The following IFT46 variants were observed in gnomAD, a reference collection of about 807,000 sequenced individuals.
IFT46 encodes intraflagellar transport protein 46 homolog.
Under a neutral mutation model 39.6 loss-of-function variants are expected in IFT46, and 19 were observed. The observed-to-expected ratio is 0.48, with a 90% CI of 0.33 to 0.70. The LOEUF (loss-of-function observed/expected upper bound fraction) is 0.70, where lower values mean the gene tolerates loss of function less well. Ranked by LOEUF, IFT46 falls within the 30% of genes least tolerant of loss-of-function variation. The pLI is 0.01. For synonymous variants in IFT46, 117 were observed against 134.8 expected (o/e 0.87, Z 0.91); for missense variants, 334 against 364.8 (o/e 0.92, Z 0.69).
upstream of IFT46, among the ~76,000 whole-genome samples, chr11:118,575,786 G>T (rs530076993): frequency 6.6e-6 from 1 of 152,264 alleles, no homozygotes; most frequent in African/African-American, 2.4e-5. Flanking sequence ...AGAGAGAGTT[G>T]TGCATATTTA....
chr11:118,570,510 A>C (rs1451997596), upstream of IFT46, among the ~76,000 whole-genome samples: 1 of 152,222 alleles, frequency 6.6e-6, no homozygotes, highest in Non-Finnish European at 1.5e-5. Flanking sequence ...CAAATGAAGC[A>C]CTCAATTAAA....
At chr11:118,550,943 C>A (rs962318351) in intron 9 of IFT46, among the ~76,000 whole-genome samples, 1 of 150,338 alleles carries the variant, frequency 6.7e-6, no homozygotes, top group Non-Finnish European at 1.5e-5. Context: ...AGGAGAATTG[C>A]TTGAACCTGC....
chr11:118,557,613 T>C (rs1937883994), intron 3 of IFT46: 1 of 1,159,510 alleles, frequency 8.6e-7, no homozygotes, highest in Admixed American at 1.9e-5. Flanking sequence ...TGTTCAGTGA[T>C]ATTTCTCTTC....
upstream of IFT46, among the ~76,000 whole-genome samples, chr11:118,575,038 G>T (rs1246615880): frequency 6.6e-6 from 1 of 152,154 alleles, no homozygotes; most frequent in Non-Finnish European, 1.5e-5. Flanking sequence ...GAGTGCAGTG[G>T]CACAATCTCA....
At chr11:118,554,001 T>C (rs1012394733) in intron 7 of IFT46, among the ~76,000 whole-genome samples, 2 of 151,674 alleles carry the variant, frequency 1.3e-5, no homozygotes, top group African/African-American at 2.4e-5. Flanking sequence ...AAGTTATATA[T>C]AAATAAAGCT....
At chr11:118,556,618 A>T (rs1460366195) in intron 4 of IFT46, among the ~76,000 whole-genome samples, 2 of 152,146 alleles carry the variant, frequency 1.3e-5, no homozygotes, top group Non-Finnish European at 2.9e-5. Flanking sequence ...GGCTTGAGCC[A>T]CCATGCCTGG....
intron 9 of IFT46, among the ~76,000 whole-genome samples, chr11:118,551,043 A>G (rs868955465): frequency 6.6e-6 from 1 of 150,818 alleles, no homozygotes; most frequent in East Asian, 2.0e-4. Context: ...AAAAAAAAAA[A>G]AAACTATCTT....
intron 10 of IFT46, 72 bp from the exon 11 acceptor site, chr11:118,545,566 C>T (rs2135462214): frequency 7.6e-7 from 1 of 1,319,988 alleles, no homozygotes; most frequent in Non-Finnish European, 1.1e-6. Flanking sequence ...CTGTCTAGCA[C>T]AGGCAAAGCC....
chr11:118,546,761 G>A (rs549059341), intron 9 of IFT46: 1 of 152,758 alleles, frequency 6.5e-6, no homozygotes, highest in Middle Eastern at 3.2e-3. Flanking sequence ...CTGATACCAA[G>A]TTATGGGCAA....
intron 2 of IFT46, among the ~76,000 whole-genome samples, chr11:118,562,804 G>A (rs1180606337): frequency 1.3e-5 from 2 of 152,176 alleles, no homozygotes; most frequent in Non-Finnish European, 2.9e-5. Context: ...GGTGGCTCAC[G>A]CCTGTAATCC....
Position 118,552,308 on chromosome 11 carries a change from C to A in IFT46, c.511G>T (p.Asp171Tyr). 2 of 1,614,200 alleles carry A rather than the reference C, an allele frequency of 1.2e-6. No homozygotes were observed. The highest frequency in any genetic ancestry group is 1.7e-6 in the Non-Finnish European group (2 of 1,180,024). ...ATGGCTTTGGGATTCTTTTCTGCAT[C>A]TTCTAGGCTTTTTACTTTCATATGT... ...TQHMKVKSLE[D>Y]AEKNPKAIDT... The change falls in exon 8 of 12, where the codon GAT (aspartate) becomes TAT (tyrosine). Residue 171 changes from aspartate (D) to tyrosine (Y), a missense_variant. Transcript: ENST00000264021.
In IFT46 at chr11:118,554,566, G is replaced by A; in HGVS notation, c.376C>T (p.Pro126Ser). Reference sequence around the variant, plus strand: ...AATACCAATAGGCCAAGGTTGTCAGGCTTTCCATCAGGACGTGGGACCTGG... The same window carrying A: ...AATACCAATAGGCCAAGGTTGTCAGACTTTCCATCAGGACGTGGGACCTGG... ...FLKVPRPDGKPDNLGLLVLDE... is the reference protein window; with the variant it reads ...FLKVPRPDGKSDNLGLLVLDE... Residue 126 changes from proline to serine, a missense_variant, in exon 7 of 12, where the codon CCT becomes TCT. Coordinates refer to ENST00000264021, the MANE Select transcript of IFT46 (RefSeq NM_001168618.2). 1.2e-6 allele frequency: 2 copies of A among 1,609,242 alleles called. No homozygotes were observed. Among genetic ancestry groups the A allele is most frequent in the Non-Finnish European group, 1.7e-6 (2 of 1,178,724 alleles).
upstream of IFT46, among the ~76,000 whole-genome samples, chr11:118,568,483 C>T (rs577052165): frequency 2.0e-5 from 3 of 152,020 alleles, no homozygotes; most frequent in East Asian, 1.9e-4. Context: ...ACCCGGGAGG[C>T]GGAGGTTGCA....
intron 4 of IFT46, among the ~76,000 whole-genome samples, chr11:118,555,971 G>GA (rs1360747506): frequency 1.3e-4 from 19 of 148,738 alleles, no homozygotes; most frequent in African/African-American, 2.2e-4. Flanking sequence ...GTTTGCACCA[G>GA]AAAAAAAAAA....
intron 4 of IFT46, among the ~76,000 whole-genome samples, chr11:118,555,857 A>T (rs1555069378): frequency 6.6e-6 from 1 of 151,672 alleles, no homozygotes; most frequent in African/African-American, 2.4e-5. Flanking sequence ...TGGAAGGCAG[A>T]GGTTGCAGTG....
rs1555072652 is a variant in IFT46, at chr11:118,572,597, GTC to G, written c.-136_-135del. On this transcript the variant is annotated splice_region_variant and 5_prime_UTR_variant, in exon 1 of 6. Coordinates refer to the IFT46 transcript ENST00000528378. ...GAACTCCTGGGGTCCGAGCCTCACCGTCTCTCCTTGTCGGCGGGCCTGGGGCA... is the reference window on the plus strand; with the variant it reads ...GAACTCCTGGGGTCCGAGCCTCACCGTCTCCTTGTCGGCGGGCCTGGGGCA... 3 of 1,591,696 alleles carry G rather than the reference GTC, an allele frequency of 1.9e-6. No homozygotes were observed. The East Asian group carries it at 7.0e-5, about 37-fold the overall frequency.
chr11:118,572,402 G>A (rs941870794), intron 1 of IFT46: 1 of 622,424 alleles, frequency 1.6e-6, no homozygotes. Flanking sequence ...CGTGGCTTGG[G>A]GCCGCCATCT....
chr11:118,567,144 C>T (rs565276376), upstream of IFT46, among the ~76,000 whole-genome samples: 47 of 152,184 alleles, frequency 3.1e-4, 1 homozygote, highest in East Asian at 2.9e-3. Flanking sequence ...GTGCTAGCCA[C>T]TCGGGAGGCT....
rs782820961 is a variant in IFT46, at chr11:118,545,807, A to G, written c.719T>C (p.Ile240Thr). ...AEIDCSLAEYIDMICAILDIP... is the reference protein window; with the variant it reads ...AEIDCSLAEYTDMICAILDIP... ...GAGGAACTCACCACAGATCATGTCA[A>G]TGTACTCTGCCAGGCTGCAATCAAT... Residue 240 changes from isoleucine to threonine, a missense_variant, in exon 10 of 12, where the codon ATT becomes ACT. Ile to Thr is a moderately conservative substitution (Grantham distance 89). Coordinates refer to ENST00000264021, the MANE Select transcript of IFT46 (RefSeq NM_001168618.2). 8.1e-6 allele frequency: 13 copies of G among 1,614,070 alleles called. No individual in the cohort carries two copies. In the Middle Eastern group the frequency reaches 1.2e-3, roughly 143 times the overall value.
Sources: gnomAD v4.1 joint callset for allele counts (sites outside exome capture counted in the v4.1 genomes callset) on GRCh38, gnomAD v4.1.1 for gene constraint, MANE v1.5 for transcripts, NCBI Gene and HGNC (gene_info 2026-07-23, HGNC 2026-07-21) for gene names.